Variants in DOCK1 observed in about 807,000 individuals in gnomAD.
The protein encoded by DOCK1 is dedicator of cytokinesis 1.
A neutral mutation model predicts 262.7 loss-of-function variants in DOCK1; 138 were observed. The ratio of observed to expected loss-of-function variants is 0.53; its 90% CI spans 0.46 to 0.61. DOCK1 has a LOEUF of 0.61. Ranked by LOEUF, DOCK1 falls within the 20% of genes least tolerant of loss-of-function variation. DOCK1 has a pLI of 0.00. For missense variants in DOCK1, 1,908 were observed against 2,370.7 expected (o/e 0.80, Z 4.05); for synonymous variants, 866 against 867.4 (o/e 1.00, Z 0.03).
At chr10:127,438,272 AC>A (rs1250987755) in intron 48 of DOCK1, among the ~76,000 whole-genome samples, 1 of 152,182 alleles carries the variant, frequency 6.6e-6, no homozygotes, top group Admixed American at 6.5e-5. Context: ...TTGCACACTA[AC>A]CTTTTGGTAC....
intron 27 of DOCK1, among the ~76,000 whole-genome samples, chr10:127,177,853 G>A (rs2055323794): frequency 6.6e-6 from 1 of 152,206 alleles, no homozygotes; most frequent in East Asian, 1.9e-4. Context: ...TGAAGGTCAA[G>A]GCTACACTTC....
At chr10:127,338,863 G>A (rs929737940) in intron 29 of DOCK1, 143 bp from the exon 30 acceptor site, 11 of 614,134 alleles carry the variant, frequency 1.8e-5, no homozygotes, top group South Asian at 5.5e-5. Flanking sequence ...TGATCTTTTC[G>A]TTGGCAAAAC....
chr10:127,245,901 TG>T (rs1564931185), intron 27 of DOCK1, among the ~76,000 whole-genome samples: 3 of 152,218 alleles, frequency 2.0e-5, no homozygotes, highest in African/African-American at 7.2e-5. Flanking sequence ...ATTGTGTAAC[TG>T]GTTTGACCTG....
chr10:127,149,429 A>G (rs971826062), intron 27 of DOCK1, among the ~76,000 whole-genome samples: 17 of 152,034 alleles, frequency 1.1e-4, no homozygotes, highest in African/African-American at 4.1e-4. Context: ...CTATATTTCC[A>G]TGACAGAATT....
At chr10:126,988,881 C>T (rs370482179) in intron 5 of DOCK1, among the ~76,000 whole-genome samples, 8 of 151,980 alleles carry the variant, frequency 5.3e-5, no homozygotes, top group South Asian at 2.1e-4. Flanking sequence ...GAGACCAGCC[C>T]GGCCAACATG....
intron 29 of DOCK1, among the ~76,000 whole-genome samples, chr10:127,298,997 C>T (rs2061593304): frequency 6.6e-6 from 1 of 152,170 alleles, no homozygotes; most frequent in Non-Finnish European, 1.5e-5. Context: ...CAAAGATAGG[C>T]TGAAGTCCTT....
chr10:127,251,602 A>T lies in DOCK1; in HGVS notation c.2949+3493A>T, dbSNP rs1054764311. Among the ~76,000 whole-genome samples the T allele has an allele frequency of 2.2e-4, 31 of 138,082 alleles. 1 individual carries two copies. Among genetic ancestry groups the T allele is most frequent in the Admixed American group, 1.7e-3 (21 of 12,564 alleles). The allele number at this position is 138,082 out of a possible 152,430, so 90.6% of individuals were successfully genotyped here. On this transcript the variant is annotated intron_variant, in intron 28 of 51. Coordinates refer to ENST00000623213, the MANE Select transcript of DOCK1 (RefSeq NM_001290223.2). ...TGTGTCCATGTGTTCTCATTGTTCA[A>T]TTCCCACCTATGAGTGAGAACATGC... is the stretch of plus-strand genomic sequence containing the variant.
chr10:127,427,251 T>G (rs1307927974), intron 47 of DOCK1, among the ~76,000 whole-genome samples: 1 of 152,196 alleles, frequency 6.6e-6, no homozygotes, highest in Non-Finnish European at 1.5e-5. Flanking sequence ...GAAGTCGCGC[T>G]GCTTCTCCCA....
chr10:127,280,034 A>ATATATAT (rs1554939125), intron 29 of DOCK1, among the ~76,000 whole-genome samples: 17 of 91,402 alleles, frequency 1.9e-4, no homozygotes, highest in East Asian at 9.9e-4. Context: ...ATATATATAT[A>ATATATAT]ATTTTTTTTT....
Position 126,990,589 on chromosome 10 carries a change from T to C in DOCK1, c.459T>C (p.Ile153=). 1 of 1,613,510 alleles carries C rather than the reference T, an allele frequency of 6.2e-7. No homozygotes were observed. The highest frequency in any genetic ancestry group is 8.5e-7 in the Non-Finnish European group (1 of 1,179,770). The change falls in exon 6 of 52, where the codon ATT becomes ATC. Residue 153 remains isoleucine (I), a synonymous_variant. Transcript: ENST00000623213. Reference sequence around the variant, plus strand: ...TGAAGAAGAAGGTCACAGCCAAAATTGATTATGGAAACAGGTTTGTTTATT... The same window carrying C: ...TGAAGAAGAAGGTCACAGCCAAAATCGATTATGGAAACAGGTTTGTTTATT... ...KELKKKVTAK[I]DYGNRILDLD... is the part of the protein sequence containing the mutation.
chr10:127,415,591 T>C (rs1290295369), intron 44 of DOCK1, among the ~76,000 whole-genome samples: 1 of 152,254 alleles, frequency 6.6e-6, no homozygotes, highest in East Asian at 1.9e-4. Flanking sequence ...TACATAAACT[T>C]TTTTAAAGAT....
chr10:127,004,439 C>G (rs2040838537), intron 10 of DOCK1, among the ~76,000 whole-genome samples: 1 of 151,958 alleles, frequency 6.6e-6, no homozygotes, highest in Non-Finnish European at 1.5e-5. Context: ...TGAGAAAAAT[C>G]TTGCGAGCTA....
At chr10:126,948,484 G>T (rs1465314153) in intron 1 of DOCK1, among the ~76,000 whole-genome samples, 3 of 151,868 alleles carry the variant, frequency 2.0e-5, no homozygotes, top group South Asian at 2.1e-4. Context: ...TGCTGGTGAG[G>T]GTGATGAAGG....
intron 1 of DOCK1, among the ~76,000 whole-genome samples, chr10:126,950,591 G>A (rs2036126721): frequency 6.6e-6 from 1 of 152,124 alleles, no homozygotes; most frequent in African/African-American, 2.4e-5. Flanking sequence ...TGCAGCCTTT[G>A]TTGTGGACGC....
chr10:127,210,725 CT>C (rs1192539827), intron 27 of DOCK1, among the ~76,000 whole-genome samples: 1 of 152,202 alleles, frequency 6.6e-6, no homozygotes, highest in Non-Finnish European at 1.5e-5. Context: ...CTCTCTCCCC[CT>C]GCCTCTTTTT....
intron 29 of DOCK1, among the ~76,000 whole-genome samples, chr10:127,290,612 C>A (rs753850383): frequency 2.0e-4 from 30 of 152,154 alleles, no homozygotes; most frequent in Admixed American, 3.9e-4. Flanking sequence ...TTCTGACAAC[C>A]ACTAATGCCT....
chr10:126,956,449 GGA>G (rs1453139401), intron 1 of DOCK1, among the ~76,000 whole-genome samples: 1 of 152,158 alleles, frequency 6.6e-6, no homozygotes, highest in Admixed American at 6.5e-5. Flanking sequence ...GTGAGTGGGA[GGA>G]GAGGGGCTCA....
intron 13 of DOCK1, 164 bp downstream of exon 13, chr10:127,018,999 A>AC: frequency 9.2e-7 from 1 of 1,088,438 alleles, no homozygotes; most frequent in East Asian, 2.6e-5. Context: ...TGGGGCTGTG[A>AC]CCGGAGTGGT....
At chr10:126,952,655 ATGT>A (rs1294694497) in intron 1 of DOCK1, among the ~76,000 whole-genome samples, 25 of 39,408 alleles carry the variant, frequency 6.3e-4, no homozygotes, top group African/African-American at 2.5e-3. Context: ...AGTGTTGGTG[ATGT>A]TGTTATTGGT....
Sources: gnomAD v4.1 joint callset for allele counts (sites outside exome capture counted in the v4.1 genomes callset) on GRCh38, gnomAD v4.1.1 for gene constraint, MANE v1.5 for transcripts, NCBI Gene and HGNC (gene_info 2026-07-23, HGNC 2026-07-21) for gene names.